Variants in LSAMP observed in about 807,000 individuals in gnomAD.
The protein encoded by LSAMP is limbic system associated membrane protein, also known as limbic system-associated membrane protein.
A neutral mutation model predicts 38.6 loss-of-function variants in LSAMP; 7 were observed. The observed-to-expected ratio is 0.18, with a 90% CI of 0.10 to 0.34. LSAMP has a LOEUF of 0.34. Ranked by LOEUF, LSAMP falls within the 10% of genes least tolerant of loss-of-function variation. The pLI is 1.00. For synonymous variants in LSAMP, 154 were observed against 166.8 expected (o/e 0.92, Z 0.59); for missense variants, 313 against 420.0 (o/e 0.75, Z 2.23).
chr3:115,944,666 C>T (rs1409473952), intron 3 of LSAMP, among the ~76,000 whole-genome samples: 1 of 152,166 alleles, frequency 6.6e-6, no homozygotes, highest in Non-Finnish European at 1.5e-5. Context: ...TGCAATTGCA[C>T]TCTGTGTTAG....
intron 1 of LSAMP, among the ~76,000 whole-genome samples, chr3:116,424,134 T>A (rs914882007): frequency 6.6e-6 from 1 of 152,232 alleles, no homozygotes; most frequent in Non-Finnish European, 1.5e-5. Context: ...AGTCTGAGCT[T>A]TATTTCCACT....
At chr3:115,884,699 C>A (rs1324359901) in intron 3 of LSAMP, among the ~76,000 whole-genome samples, 1 of 151,910 alleles carries the variant, frequency 6.6e-6, no homozygotes, top group Non-Finnish European at 1.5e-5. Context: ...CAAATACGAG[C>A]AGAAGTCATC....
chr3:115,961,756 C>A (rs1227880832), intron 3 of LSAMP, among the ~76,000 whole-genome samples: 1 of 152,204 alleles, frequency 6.6e-6, no homozygotes, highest in African/African-American at 2.4e-5. Flanking sequence ...TCTGGTGGGG[C>A]TTCTGGGAAT....
chr3:116,083,766 TGTG>T (rs1439685719), intron 2 of LSAMP, among the ~76,000 whole-genome samples: 1 of 152,142 alleles, frequency 6.6e-6, no homozygotes, highest in Non-Finnish European at 1.5e-5. Context: ...GTATCTTTGA[TGTG>T]GTGAAAACAA....
Position 116,444,806 on chromosome 3 carries a change from ACACAAACACACAC to A in LSAMP, c.155+58_155+70del, listed in dbSNP as rs771267666. ...AGATCAGACACACACACACACACACACACAAACACACACACACACACACACACACGTGTAGACG... is the reference window on the plus strand; with the variant it reads ...AGATCAGACACACACACACACACACAACACACACACACACACGTGTAGACG... On this transcript the variant is annotated intron_variant, in intron 1 of 6. Coordinates refer to ENST00000490035, the MANE Select transcript of LSAMP (RefSeq NM_002338.5). The A allele has an allele frequency of 7.8e-3, 11,894 of 1,518,430 alleles. 43 individuals carry two copies. Among genetic ancestry groups the A allele is most frequent in the Middle Eastern group, 0.034 (194 of 5,638 alleles). The allele number at this position is 1,518,430 out of a possible 1,614,324, so 94.1% of individuals were successfully genotyped here.
chr3:116,444,497 C>A (rs979283602), intron 1 of LSAMP, among the ~76,000 whole-genome samples: 1 of 151,114 alleles, frequency 6.6e-6, no homozygotes, highest in Non-Finnish European at 1.5e-5. Flanking sequence ...GAATTAAGGA[C>A]CCCCAACAAA....
At chr3:116,407,735 G>T (rs2048915960) in intron 1 of LSAMP, among the ~76,000 whole-genome samples, 1 of 151,964 alleles carries the variant, frequency 6.6e-6, no homozygotes, top group African/African-American at 2.4e-5. Flanking sequence ...GTTAAAATTT[G>T]CAAGCTGAGC....
chr3:116,018,855 G>A (rs1177595334), intron 3 of LSAMP, among the ~76,000 whole-genome samples: 2 of 152,136 alleles, frequency 1.3e-5, no homozygotes, highest in Non-Finnish European at 2.9e-5. Flanking sequence ...GACTGAATTA[G>A]TATCAATAGC....
chr3:116,071,213 G>A (rs924227168), intron 2 of LSAMP, among the ~76,000 whole-genome samples: 1 of 150,960 alleles, frequency 6.6e-6, no homozygotes, highest in Non-Finnish European at 1.5e-5. Flanking sequence ...CTCAGGTGAA[G>A]AAATGATGGA....
rs181244180 is a variant in LSAMP at position 115,942,802 on chromosome 3, C to G, written c.514+76713G>C. Among the ~76,000 whole-genome samples the G allele has an allele frequency of 2.6e-5, 4 of 152,220 alleles. No homozygotes were observed. The East Asian group carries it at 7.7e-4, about 29-fold the overall frequency. ...TGATCTGCAGACCACATTTGGGAAG[C>G]TGGATAAAAACCTATCTTGAATGTG... On this transcript the variant is annotated intron_variant, in intron 3 of 6. Coordinates refer to ENST00000490035, the MANE Select transcript of LSAMP (RefSeq NM_002338.5).
intron 1 of LSAMP, among the ~76,000 whole-genome samples, chr3:116,437,312 CG>C (rs1344919032): frequency 1.3e-5 from 2 of 151,688 alleles, no homozygotes; most frequent in African/African-American, 2.4e-5. Flanking sequence ...GTATACTGCT[CG>C]GGTGATGGGT....
chr3:116,234,379 T>C (rs937516459), intron 1 of LSAMP, among the ~76,000 whole-genome samples: 1 of 152,180 alleles, frequency 6.6e-6, no homozygotes, highest in Non-Finnish European at 1.5e-5. Flanking sequence ...AGGTAGAACT[T>C]AGTAACAGAA....
At chr3:115,818,574 A>C (rs950468993) in intron 6 of LSAMP, among the ~76,000 whole-genome samples, 8 of 151,706 alleles carry the variant, frequency 5.3e-5, no homozygotes, top group East Asian at 2.0e-4. Flanking sequence ...TCAACATACT[A>C]TACTTACAAT....
At position 116,134,461 on chromosome 3, in the gene LSAMP, T is replaced by G. The variant is rs548238559; in HGVS notation, c.156-47905A>C. ...AGTGTGTTTAAAATAAAATCCAAACTGTCATAATTTTCAATGTCCTTACAT... is the reference window on the plus strand; with the variant it reads ...AGTGTGTTTAAAATAAAATCCAAACGGTCATAATTTTCAATGTCCTTACAT... On this transcript the variant is annotated intron_variant, in intron 1 of 6. Transcript: ENST00000490035. Among the ~76,000 whole-genome samples, 4 of 151,478 alleles carry G rather than the reference T, an allele frequency of 2.6e-5. No individual in the cohort carries two copies. In the South Asian group the frequency reaches 8.3e-4, roughly 31 times the overall value.
At chr3:115,942,662 ATGT>A (rs1212432030) in intron 3 of LSAMP, among the ~76,000 whole-genome samples, 3 of 152,296 alleles carry the variant, frequency 2.0e-5, no homozygotes, top group South Asian at 4.1e-4. Context: ...TGATGTGCTA[ATGT>A]TGTTAAAATG....
chr3:116,351,250 T>C (rs933537013), intron 1 of LSAMP, among the ~76,000 whole-genome samples: 3 of 151,954 alleles, frequency 2.0e-5, no homozygotes, highest in Admixed American at 6.6e-5. Context: ...TACACTACCA[T>C]TGATTAGTTT....
Position 115,868,697 on chromosome 3 carries a change from T to G in LSAMP, c.515-16080A>C, listed in dbSNP as rs1002468239. On this transcript the variant is annotated intron_variant, in intron 3 of 6. Coordinates refer to ENST00000490035, the MANE Select transcript of LSAMP (RefSeq NM_002338.5). ...ATTTAAAATGAGGTTGAAGGAAAGC[T>G]CTAATGTAATTTAATCAAAACCATA... 6.2e-4 allele frequency among the ~76,000 whole-genome samples: 94 copies of G among 152,150 alleles called. 1 individual carries two copies. Among genetic ancestry groups the G allele is most frequent in the African/African-American group, 2.0e-3 (84 of 41,440 alleles).
chr3:116,331,816 CTTTTT>C (rs1463130512), intron 1 of LSAMP, among the ~76,000 whole-genome samples: 1 of 151,954 alleles, frequency 6.6e-6, no homozygotes, highest in Non-Finnish European at 1.5e-5. Flanking sequence ...TGTTTTGTTT[CTTTTT>C]ATTTTCTTTC....
intron 3 of LSAMP, among the ~76,000 whole-genome samples, chr3:115,906,670 G>C (rs568607526): frequency 6.6e-6 from 1 of 152,182 alleles, no homozygotes; most frequent in Admixed American, 6.5e-5. Flanking sequence ...AGTTTTGTTT[G>C]CTGAAGGCTT....
Sources: gnomAD v4.1 joint callset for allele counts (sites outside exome capture counted in the v4.1 genomes callset) on GRCh38, gnomAD v4.1.1 for gene constraint, MANE v1.5 for transcripts, NCBI Gene and HGNC (gene_info 2026-07-23, HGNC 2026-07-21) for gene names.